RGL1: variants seen among roughly 807,000 people sequenced by gnomAD.
RGL1 encodes ral guanine nucleotide dissociation stimulator-like 1.
A neutral mutation model predicts 95.2 loss-of-function variants in RGL1; 24 were observed. The ratio of observed to expected loss-of-function variants is 0.25; its 90% CI spans 0.18 to 0.35. RGL1 has a LOEUF of 0.35. Ranked by LOEUF, RGL1 falls within the 10% of genes least tolerant of loss-of-function variation. The pLI is 1.00. For synonymous variants in RGL1, 329 were observed against 344.9 expected (o/e 0.95, Z 0.51); for missense variants, 715 against 936.3 (o/e 0.76, Z 3.08).
intron 1 of RGL1, among the ~76,000 whole-genome samples, chr1:183,710,692 A>G (rs539171077): frequency 4.6e-5 from 7 of 152,314 alleles, no homozygotes; most frequent in Admixed American, 3.9e-4. Context: ...GAGAGAGCAC[A>G]CAGGGGAAAC....
intron 1 of RGL1, chr1:183,647,808 A>G: frequency 6.2e-7 from 1 of 1,614,076 alleles, no homozygotes. Context: ...CTGGAATGAC[A>G]TTTGAGGCAT....
chr1:183,720,284 C>G (rs1037757160), intron 1 of RGL1, among the ~76,000 whole-genome samples: 1 of 152,206 alleles, frequency 6.6e-6, no homozygotes, highest in Non-Finnish European at 1.5e-5. Flanking sequence ...AAGTACACAG[C>G]TTGTCTGTGC....
At chr1:183,816,127 G>A (rs1662071394) in intron 2 of RGL1, among the ~76,000 whole-genome samples, 1 of 152,142 alleles carries the variant, frequency 6.6e-6, no homozygotes, top group Non-Finnish European at 1.5e-5. Context: ...ATGAAAGACT[G>A]CATTATTCCT....
intron 2 of RGL1, among the ~76,000 whole-genome samples, chr1:183,814,870 T>TA (rs1411748707): frequency 1.3e-5 from 2 of 152,218 alleles, no homozygotes; most frequent in African/African-American, 4.8e-5. Flanking sequence ...CTGTGGACAA[T>TA]ATTTATCTAA....
At chr1:183,911,839 T>C (rs1488835232) in intron 14 of RGL1, among the ~76,000 whole-genome samples, 1 of 152,238 alleles carries the variant, frequency 6.6e-6, no homozygotes, top group African/African-American at 2.4e-5. Flanking sequence ...ACCATTGACC[T>C]AGAAAGACTT....
chr1:183,723,914 A>G (rs999688759), intron 1 of RGL1, among the ~76,000 whole-genome samples: 3 of 152,094 alleles, frequency 2.0e-5, no homozygotes, highest in Admixed American at 6.5e-5. Flanking sequence ...TTCTGCTTGA[A>G]GAAAGGAGAG....
intron 17 of RGL1, among the ~76,000 whole-genome samples, chr1:183,925,708 C>T (rs1262936998): frequency 1.3e-5 from 2 of 152,160 alleles, no homozygotes; most frequent in Non-Finnish European, 2.9e-5. Flanking sequence ...AGAAAATCTG[C>T]ATACTGGGGT....
chr1:183,756,241 G>A (rs1461784606), intron 2 of RGL1, among the ~76,000 whole-genome samples: 1 of 151,736 alleles, frequency 6.6e-6, no homozygotes, highest in East Asian at 1.9e-4. Context: ...GTCCAGGCTG[G>A]AGTGCAACTT....
At chr1:183,895,827 A>T (rs1028710604) in intron 9 of RGL1, among the ~76,000 whole-genome samples, 1 of 152,144 alleles carries the variant, frequency 6.6e-6, no homozygotes, top group African/African-American at 2.4e-5. Context: ...TCTAGCAGGG[A>T]TGGAATCTCA....
chr1:183,800,329 A>G (rs941071338), upstream of RGL1, among the ~76,000 whole-genome samples: 2 of 152,216 alleles, frequency 1.3e-5, no homozygotes, highest in Non-Finnish European at 2.9e-5. Flanking sequence ...TTAAAGAATC[A>G]GCACACCAGC....
rs775756609 is a variant in RGL1, at chr1:183,884,817, G to A, written c.830G>A (p.Arg277His). Reference protein sequence around the residue: ...KENKHLAPTIRATISQFNTLT... With the variant: ...KENKHLAPTIHATISQFNTLT... The stretch of plus-strand genomic sequence containing the variant: ...AACAAACATTTGGCTCCTACGATCC[G>A]TGCCACCATCTCTCAGTTTAATACC... Residue 277 changes from arginine to histidine, a missense_variant, in exon 7 of 18, where the codon CGT (arginine) becomes CAT (histidine). Transcript: ENST00000360851. 2 of 1,614,004 alleles carry A rather than the reference G, an allele frequency of 1.2e-6. No individual in the cohort carries two copies. Among genetic ancestry groups the A allele is most frequent in the East Asian group, 2.2e-5 (1 of 44,888 alleles).
intron 2 of RGL1, among the ~76,000 whole-genome samples, chr1:183,822,680 A>G (rs1314047778): frequency 6.6e-6 from 1 of 152,186 alleles, no homozygotes; most frequent in African/African-American, 2.4e-5. Context: ...CTTGTTTTAT[A>G]CTTATTGCAA....
At chr1:183,806,129 C>T (rs1661319892) in intron 1 of RGL1, among the ~76,000 whole-genome samples, 1 of 151,552 alleles carries the variant, frequency 6.6e-6, no homozygotes, top group South Asian at 2.1e-4. Context: ...GTGAGCAAGT[C>T]TAGGAGAAAT....
At chr1:183,831,351 T>C (rs930946082) in intron 2 of RGL1, among the ~76,000 whole-genome samples, 2 of 152,070 alleles carry the variant, frequency 1.3e-5, no homozygotes, top group Non-Finnish European at 2.9e-5. Context: ...GCCAGTGTGG[T>C]TGGGGCCTAG....
intron 1 of RGL1, among the ~76,000 whole-genome samples, chr1:183,639,340 T>C: frequency 6.6e-6 from 1 of 152,148 alleles, no homozygotes; most frequent in East Asian, 1.9e-4. Flanking sequence ...TTATTTATTT[T>C]TATTATTTGA....
chr1:183,726,245 A>G (rs1006225551), intron 1 of RGL1, among the ~76,000 whole-genome samples: 1 of 152,230 alleles, frequency 6.6e-6, no homozygotes, highest in African/African-American at 2.4e-5. Context: ...TAGAAATATA[A>G]GAGCAAATTA....
chr1:183,771,699 C>T (rs1200034165), intron 2 of RGL1, among the ~76,000 whole-genome samples: 2 of 152,138 alleles, frequency 1.3e-5, no homozygotes, highest in Non-Finnish European at 2.9e-5. Flanking sequence ...TGTTGGATAG[C>T]GGAGGACATG....
chr1:183,713,508 T>G (rs1655436412), intron 1 of RGL1, among the ~76,000 whole-genome samples: 1 of 151,672 alleles, frequency 6.6e-6, no homozygotes. Flanking sequence ...CCAAAATTCC[T>G]TTCTCAATGC....
chr1:183,910,693 C>G (rs1005724075), intron 14 of RGL1, among the ~76,000 whole-genome samples: 5 of 152,196 alleles, frequency 3.3e-5, no homozygotes, highest in African/African-American at 1.2e-4. Context: ...TCAGATCTGT[C>G]ATCTAGTTCA....
Sources: gnomAD v4.1 joint callset for allele counts (sites outside exome capture counted in the v4.1 genomes callset) on GRCh38, gnomAD v4.1.1 for gene constraint, MANE v1.5 for transcripts, NCBI Gene and HGNC (gene_info 2026-07-23, HGNC 2026-07-21) for gene names.